Variants in OSBPL9 observed in about 807,000 individuals in gnomAD.
OSBPL9 encodes the protein oxysterol binding protein like 9, also known as oxysterol-binding protein-related protein 9.
In OSBPL9, 40 loss-of-function variants were observed where a neutral mutation model predicts 106.6. The observed-to-expected ratio is 0.38, with a 90% CI of 0.29 to 0.49. OSBPL9 has a LOEUF of 0.49. OSBPL9 is among the 20% of genes least tolerant of loss of function. OSBPL9 has a pLI of 0.97. For synonymous variants in OSBPL9, 269 were observed against 295.4 expected (o/e 0.91, Z 0.92); for missense variants, 609 against 887.2 (o/e 0.69, Z 3.98).
intron 4 of OSBPL9, among the ~76,000 whole-genome samples, chr1:51,723,862 G>A (rs1319177972): frequency 6.6e-6 from 1 of 152,218 alleles, no homozygotes; most frequent in Non-Finnish European, 1.5e-5. Context: ...CCCTTGGGCA[G>A]ATACCAAGGA....
At chr1:51,670,575 A>C (rs920104448) in intron 3 of OSBPL9, among the ~76,000 whole-genome samples, 2 of 152,224 alleles carry the variant, frequency 1.3e-5, no homozygotes, top group Non-Finnish European at 2.9e-5. Flanking sequence ...ATAGTAATGA[A>C]AGATGCAGGT....
At chr1:51,595,815 T>C (rs1266979492) in intron 1 of OSBPL9, among the ~76,000 whole-genome samples, 1 of 152,104 alleles carries the variant, frequency 6.6e-6, no homozygotes, top group Non-Finnish European at 1.5e-5. Context: ...GGTGTTATCA[T>C]GCTCGCCTTA....
At chr1:51,601,359 T>G (rs1645324721) in intron 2 of OSBPL9, among the ~76,000 whole-genome samples, 1 of 152,148 alleles carries the variant, frequency 6.6e-6, no homozygotes, top group Non-Finnish European at 1.5e-5. Context: ...AGAACTTTGG[T>G]CTAAAGACAG....
chr1:51,546,891 T>A, the OSBPL9 span, among the ~76,000 whole-genome samples: 2 of 151,802 alleles, frequency 1.3e-5, no homozygotes, highest in Non-Finnish European at 2.9e-5. Flanking sequence ...CAGAGAGGAA[T>A]TCCAAAAATC....
chr1:51,538,386 A>G, the OSBPL9 span, among the ~76,000 whole-genome samples: 1 of 152,228 alleles, frequency 6.6e-6, no homozygotes, highest in Non-Finnish European at 1.5e-5. Flanking sequence ...ACAGGGTTCA[A>G]GATTTGTTTG....
intron 1 of OSBPL9, among the ~76,000 whole-genome samples, chr1:51,586,029 C>T (rs764217708): frequency 2.6e-5 from 4 of 151,392 alleles, no homozygotes; most frequent in East Asian, 1.9e-4. Context: ...AAAAATTAGC[C>T]GGGCATAGGT....
chr1:51,529,736 T>C, the OSBPL9 span, among the ~76,000 whole-genome samples: 2 of 151,392 alleles, frequency 1.3e-5, no homozygotes, highest in Non-Finnish European at 2.9e-5. Context: ...CATATTCACA[T>C]GCAACTACAT....
At chr1:51,720,435 C>T (rs1402570884) in intron 4 of OSBPL9, among the ~76,000 whole-genome samples, 3 of 151,772 alleles carry the variant, frequency 2.0e-5, no homozygotes, top group African/African-American at 7.3e-5. Flanking sequence ...AAGCAATTCT[C>T]CTGCCTCAGC....
At chr1:51,653,064 T>C (rs1447436116) in intron 2 of OSBPL9, among the ~76,000 whole-genome samples, 1 of 152,180 alleles carries the variant, frequency 6.6e-6, no homozygotes, top group Admixed American at 6.5e-5. Context: ...CAAATTATAA[T>C]AGAAAAATCC....
chr1:51,627,091 A>G (rs903385352), intron 1 of OSBPL9, among the ~76,000 whole-genome samples: 5 of 152,004 alleles, frequency 3.3e-5, no homozygotes, highest in African/African-American at 1.2e-4. Context: ...AGCAGCCTCA[A>G]ACTCCCAGGC....
intron 1 of OSBPL9, among the ~76,000 whole-genome samples, chr1:51,635,930 A>T (rs1014754403): frequency 1.3e-5 from 2 of 151,960 alleles, no homozygotes; most frequent in Admixed American, 6.6e-5. Flanking sequence ...TCTTGAACTG[A>T]TGTGTGGCTA....
chr1:51,764,492 G>A (rs1557831355), intron 11 of OSBPL9, among the ~76,000 whole-genome samples: 2 of 151,712 alleles, frequency 1.3e-5, no homozygotes, highest in Non-Finnish European at 2.9e-5. Context: ...TGAATATGAT[G>A]ACTAAATGTG....
chr1:51,687,381 C>G (rs1269900819), intron 3 of OSBPL9, among the ~76,000 whole-genome samples: 1 of 152,044 alleles, frequency 6.6e-6, no homozygotes, highest in Non-Finnish European at 1.5e-5. Context: ...GCACAGGATG[C>G]AAAATAACTT....
chr1:51,676,443 A>G (rs1048936848), intron 3 of OSBPL9, among the ~76,000 whole-genome samples: 1 of 151,984 alleles, frequency 6.6e-6, no homozygotes, highest in Non-Finnish European at 1.5e-5. Context: ...AAAAAACGGA[A>G]TTAATATAAA....
intron 2 of OSBPL9, among the ~76,000 whole-genome samples, chr1:51,654,266 T>C (rs1180570741): frequency 6.6e-6 from 1 of 152,168 alleles, no homozygotes; most frequent in Non-Finnish European, 1.5e-5. Flanking sequence ...TATTAGCAGC[T>C]ATTGATGTTC....
rs537832368 is a variant in OSBPL9, at chr1:51,755,385, A to G, written c.544-935A>G. ...TATACCTATTAAGCAAATATTTTCT[A>G]TATAGATTTTCTATATAGATGGTCC... On this transcript the variant is annotated intron_variant, in intron 8 of 23. Transcript: ENST00000428468. Among the ~76,000 whole-genome samples the G allele has an allele frequency of 1.9e-3, 288 of 152,362 alleles. 1 individual carries two copies. The highest frequency in any genetic ancestry group is 2.6e-3 in the Non-Finnish European group (175 of 68,032).
chr1:51,658,394 T>A (rs1557650668), intron 2 of OSBPL9, among the ~76,000 whole-genome samples: 1 of 152,140 alleles, frequency 6.6e-6, no homozygotes, highest in African/African-American at 2.4e-5. Flanking sequence ...TCATAATTTC[T>A]ATTAATACAG....
intron 2 of OSBPL9, among the ~76,000 whole-genome samples, chr1:51,608,704 C>G (rs1332568761): frequency 6.6e-6 from 1 of 151,484 alleles, no homozygotes; most frequent in Non-Finnish European, 1.5e-5. Context: ...CTGCCCTGCT[C>G]TTGTCCGCCT....
upstream of OSBPL9, among the ~76,000 whole-genome samples, chr1:51,575,364 C>A (rs1645177009): frequency 6.9e-6 from 1 of 145,116 alleles, no homozygotes; most frequent in African/African-American, 2.8e-5. Context: ...CCTCACCCGG[C>A]TAATTTTTTT....
Sources: allele counts gnomAD v4.1 joint callset (sites outside exome capture counted in the v4.1 genomes callset), GRCh38; gene constraint gnomAD v4.1.1; transcripts MANE v1.5; gene names NCBI Gene and HGNC (gene_info 2026-07-23, HGNC 2026-07-21).